COL4A1: variants seen among roughly 807,000 people sequenced by gnomAD.
COL4A1 encodes the protein collagen alpha-1(IV) chain.
COL4A1 carries 40 observed loss-of-function variants against 216.6 expected under a neutral mutation model. The observed-to-expected ratio is 0.18, with a 90% CI of 0.14 to 0.24. COL4A1 has a LOEUF of 0.24. Ranked by LOEUF, COL4A1 falls within the 10% of genes least tolerant of loss-of-function variation. The probability of loss-of-function intolerance (pLI) is 1.00; values close to 1 mark genes in which losing one functional copy is unlikely to be tolerated. For missense variants in COL4A1, 1,628 were observed against 2,196.8 expected (o/e 0.74, Z 5.18); for synonymous variants, 839 against 810.7 (o/e 1.03, Z -0.59).
At chr13:110,226,352 A>C (rs1880736529) in intron 2 of COL4A1, among the ~76,000 whole-genome samples, 3 of 152,234 alleles carry the variant, frequency 2.0e-5, no homozygotes, top group South Asian at 2.1e-4. Flanking sequence ...CCTGGGTCTT[A>C]GTAAAGCCAC....
intron 1 of COL4A1, among the ~76,000 whole-genome samples, chr13:110,261,378 C>T (rs542581435): frequency 9.8e-5 from 15 of 152,328 alleles, no homozygotes; most frequent in Admixed American, 9.2e-4. Flanking sequence ...TTCCTTTCCA[C>T]CTCTCGGATT....
intron 1 of COL4A1, among the ~76,000 whole-genome samples, chr13:110,282,613 G>A (rs547601964): frequency 7.9e-5 from 12 of 152,294 alleles, no homozygotes; most frequent in African/African-American, 2.6e-4. Flanking sequence ...GCCCTGCCAA[G>A]GTCATTGAGA....
chr13:110,304,286 C>T (rs925439320), intron 1 of COL4A1, among the ~76,000 whole-genome samples: 3 of 152,152 alleles, frequency 2.0e-5, no homozygotes, highest in Admixed American at 6.5e-5. Context: ...GAACATGGTC[C>T]ATACTTATAT....
rs375308054 is a variant in COL4A1, at chr13:110,212,602, G to A, written c.296C>T (p.Ser99Phe). 2 of 1,614,010 alleles carry A rather than the reference G, an allele frequency of 1.2e-6. No individual in the cohort carries two copies. Among genetic ancestry groups the A allele is most frequent in the African/African-American group, 2.7e-5 (2 of 74,940 alleles). The change falls in exon 5 of 52, where the codon TCT becomes TTT. Residue 99 changes from serine (S) to phenylalanine (F), a missense_variant. Transcript: ENST00000375820. ...TKGTRGPPGA[S>F]GYPGNPGLPG... ...AAGTCCTGGGTTTCCAGGGTAGCCA[G>A]ATGCTCCCGGAGGTCCCTGTGAGGG...
chr13:110,265,859 G>A (rs1337309007), intron 1 of COL4A1: 1 of 152,158 alleles, frequency 6.6e-6, no homozygotes, highest in Non-Finnish European at 1.5e-5. Context: ...TCCCCAGCAC[G>A]AATTTCCACT....
chr13:110,247,354 A>G (rs2139251898), intron 1 of COL4A1, among the ~76,000 whole-genome samples: 1 of 152,322 alleles, frequency 6.6e-6, no homozygotes, highest in East Asian at 1.9e-4. Flanking sequence ...AAAATACAAT[A>G]TGAAAGGAAT....
At chr13:110,156,932 G>A (rs914594233) in intron 49 of COL4A1, among the ~76,000 whole-genome samples, 1 of 152,114 alleles carries the variant, frequency 6.6e-6, no homozygotes, top group African/African-American at 2.4e-5. Flanking sequence ...TCACCCAAAT[G>A]CAGATGAATT....
At chr13:110,186,589 A>G in intron 25 of COL4A1, 36 bp from the exon 26 acceptor site, 3 of 1,612,214 alleles carry the variant, frequency 1.9e-6, no homozygotes, top group Non-Finnish European at 2.5e-6. Flanking sequence ...CCGTTATCAG[A>G]GACACACCAA....
intron 41 of COL4A1, among the ~76,000 whole-genome samples, chr13:110,171,964 C>A (rs1877663176): frequency 6.6e-6 from 1 of 152,216 alleles, no homozygotes; most frequent in South Asian, 2.1e-4. Flanking sequence ...TACATGCCTG[C>A]CAAGGAAACA....
At chr13:110,167,862 G>A (rs140796962) in intron 43 of COL4A1, among the ~76,000 whole-genome samples, 39 of 152,138 alleles carry the variant, frequency 2.6e-4, no homozygotes, top group African/African-American at 9.2e-4. Flanking sequence ...TTCTTACGTA[G>A]ATTTGTTTCT....
chr13:110,280,156 T>C (rs777743608), intron 1 of COL4A1, among the ~76,000 whole-genome samples: 1 of 152,246 alleles, frequency 6.6e-6, no homozygotes, highest in Non-Finnish European at 1.5e-5. Flanking sequence ...TGGGATTCTT[T>C]AAAGTTAGTT....
chr13:110,295,529 G>A (rs1221481838), intron 1 of COL4A1, among the ~76,000 whole-genome samples: 6 of 147,080 alleles, frequency 4.1e-5, no homozygotes, highest in African/African-American at 1.0e-4. Flanking sequence ...CCATTCAAGC[G>A]ATTCTCCTGC....
Position 110,174,476 on chromosome 13 carries a change from C to T in COL4A1, c.3376G>A (p.Asp1126Asn), listed in dbSNP as rs1344641964. 1 of 1,614,112 alleles carries T rather than the reference C, an allele frequency of 6.2e-7. No individual in the cohort carries two copies. ...TCTCCTTTGACACCAGGGATGCCAT[C>T]CAATCCTGGGAGGCCTTTGTCACCT... Reference protein sequence around the residue: ...EKGDKGLPGLDGIPGVKGEAG... With the variant: ...EKGDKGLPGLNGIPGVKGEAG... Residue 1126 changes from aspartate to asparagine, a missense_variant, in exon 39 of 52, where the codon GAT becomes AAT. Transcript: ENST00000375820.
intron 2 of COL4A1, among the ~76,000 whole-genome samples, chr13:110,229,903 C>T (rs531992591): frequency 1.4e-4 from 21 of 152,344 alleles, no homozygotes; most frequent in Admixed American, 3.3e-4. Context: ...CCACTTCCGA[C>T]GTTCACCCTC....
chr13:110,181,270 G>A, intron 29 of COL4A1, 22 bp downstream of exon 29: 2 of 1,608,298 alleles, frequency 1.2e-6, no homozygotes, highest in South Asian at 2.2e-5. Flanking sequence ...GAAGGGTCAT[G>A]GAGGGAATGC....
At chr13:110,190,913 C>T (rs759435288) in intron 24 of COL4A1, 4 of 151,834 alleles carry the variant, frequency 2.6e-5, no homozygotes, top group African/African-American at 4.8e-5. Context: ...CCTCTTTTTC[C>T]GTCTTTTATT....
intron 12 of COL4A1, among the ~76,000 whole-genome samples, chr13:110,208,016 C>T (rs1879598549): frequency 1.3e-5 from 2 of 152,236 alleles, no homozygotes; most frequent in African/African-American, 4.8e-5. Context: ...GGGTGGCAAG[C>T]AGAGGCCACC....
At position 110,150,546 on chromosome 13, in the gene COL4A1, C is replaced by T. The variant is rs1222653163; in HGVS notation, c.4929-102G>A. The T allele has an allele frequency of 4.9e-6, 6 of 1,212,984 alleles. No homozygotes were observed. The African/African-American group carries it at 6.0e-5, about 12-fold the overall frequency. The allele number at this position is 1,212,984 out of a possible 1,614,324, so 75.1% of individuals were successfully genotyped here. Reference sequence around the variant, plus strand: ...GGAAATCTCTAAGGGATCAGCCCAGCCCCTGGCATCAGGCCTCAACCTGGT... The same window carrying T: ...GGAAATCTCTAAGGGATCAGCCCAGTCCCTGGCATCAGGCCTCAACCTGGT... On this transcript the variant is annotated intron_variant, in intron 51 of 51. Coordinates refer to ENST00000375820, the MANE Select transcript of COL4A1 (RefSeq NM_001845.6).
chr13:110,176,612 G>A lies in COL4A1; in HGVS notation c.2968+14C>T, dbSNP rs767224810. On this transcript the variant is annotated intron_variant, in intron 35 of 51. Transcript: ENST00000375820. Reference sequence around the variant, plus strand: ...AGCCCTTGCCACACTGGGGACCGGAGCTCCACACTGTACCTGGCTGCCCAG... The same window carrying A: ...AGCCCTTGCCACACTGGGGACCGGAACTCCACACTGTACCTGGCTGCCCAG... 8.7e-6 allele frequency: 14 copies of A among 1,611,598 alleles called. No homozygotes were observed. In the Admixed American group the frequency reaches 1.7e-4, roughly 19 times the overall value.
Sources: allele counts gnomAD v4.1 joint callset (sites outside exome capture counted in the v4.1 genomes callset), GRCh38; gene constraint gnomAD v4.1.1; transcripts MANE v1.5; gene names NCBI Gene and HGNC (gene_info 2026-07-23, HGNC 2026-07-21).